Variants in ZMYND12 observed in about 807,000 individuals in gnomAD.
ZMYND12 encodes the protein zinc finger MYND domain-containing protein 12.
In ZMYND12, 32 loss-of-function variants were observed where a neutral mutation model predicts 41.7. The ratio of observed to expected loss-of-function variants is 0.77; its 90% CI spans 0.58 to 1.03. The LOEUF is 1.03. ZMYND12 is among the 50% of genes least tolerant of loss of function. The probability of loss-of-function intolerance (pLI) is 0.00; values close to 1 mark genes in which losing one functional copy is unlikely to be tolerated. For missense variants in ZMYND12, 424 were observed against 438.5 expected (o/e 0.97, Z 0.30); for synonymous variants, 148 against 164.8 (o/e 0.90, Z 0.78).
At chr1:42,442,089 TGAGGCTATGGTGG>T (rs1211505330) in intron 3 of ZMYND12, among the ~76,000 whole-genome samples, 2 of 151,790 alleles carry the variant, frequency 1.3e-5, no homozygotes, top group African/African-American at 4.8e-5. Flanking sequence ...TGGCAGAAAA[TGAGGCTATGGTGG>T]TAGGCAGGGG....
intron 3 of ZMYND12, among the ~76,000 whole-genome samples, chr1:42,440,783 C>T (rs543771284): frequency 6.6e-4 from 101 of 152,168 alleles, no homozygotes; most frequent in African/African-American, 2.4e-3. Flanking sequence ...ATTCTCATGC[C>T]TCAGCCTTCC....
Position 42,436,433 on chromosome 1 carries a change from T to C in ZMYND12, c.705A>G (p.Thr235=). 1 of 1,613,322 alleles carries C rather than the reference T, an allele frequency of 6.2e-7. No individual in the cohort carries two copies. Among genetic ancestry groups the C allele is most frequent in the Non-Finnish European group, 8.5e-7 (1 of 1,179,380 alleles). ...YDLKKLDLAD[T]LYTKVSEIWH... ...TTCCCCAGCTCACCTTGGTGTACAA[T>C]GTGTCTGCCAGGTCCAACTTTTTAA... The change falls in exon 5 of 8, where the codon ACA becomes ACG. Residue 235 remains threonine (T), a synonymous_variant. Coordinates refer to ENST00000372565, the MANE Select transcript of ZMYND12 (RefSeq NM_032257.5).
intron 1 of ZMYND12, among the ~76,000 whole-genome samples, chr1:42,453,959 C>G (rs1643114109): frequency 6.6e-6 from 1 of 152,048 alleles, no homozygotes; most frequent in Non-Finnish European, 1.5e-5. Context: ...TATAAAAGTA[C>G]AGAAAAAGCA....
intron 3 of ZMYND12, among the ~76,000 whole-genome samples, chr1:42,443,781 G>A (rs1642993735): frequency 6.6e-6 from 1 of 152,116 alleles, no homozygotes; most frequent in Non-Finnish European, 1.5e-5. Flanking sequence ...CTAATTGATT[G>A]AGTCTCTATC....
intron 3 of ZMYND12, among the ~76,000 whole-genome samples, chr1:42,443,248 G>A (rs1557769005): frequency 6.6e-6 from 1 of 152,200 alleles, no homozygotes; most frequent in Non-Finnish European, 1.5e-5. Context: ...ACTAGCCCAT[G>A]AGATTACAGT....
chr1:42,433,000 A>G (rs2494376), intron 7 of ZMYND12, 143 bp downstream of exon 7: 1,009,430 of 1,014,222 alleles, frequency 1, 502,471 homozygotes, highest in East Asian at 1. Context: ...CAGGAGAAAC[A>G]TCGTGAGCAT....
chr1:42,442,353 G>GA (rs1642980228), intron 3 of ZMYND12, among the ~76,000 whole-genome samples: 1 of 152,088 alleles, frequency 6.6e-6, no homozygotes, highest in Non-Finnish European at 1.5e-5. Context: ...AAGAGGAGGA[G>GA]ATCAAAAAGA....
chr1:42,453,433 C>T (rs1357164223), intron 1 of ZMYND12, among the ~76,000 whole-genome samples: 1 of 152,028 alleles, frequency 6.6e-6, no homozygotes, highest in Non-Finnish European at 1.5e-5. Context: ...AATGACAGGT[C>T]GGACATAGAT....
At chr1:42,438,288 A>G (rs1442403461) in intron 4 of ZMYND12, among the ~76,000 whole-genome samples, 1 of 152,204 alleles carries the variant, frequency 6.6e-6, no homozygotes, top group Non-Finnish European at 1.5e-5. Flanking sequence ...ATTACTTGAC[A>G]TGTAGAAGGG....
In ZMYND12 at chr1:42,431,362, T is replaced by C. The variant is rs916617059; in HGVS notation, c.976-504A>G. 6.6e-5 allele frequency among the ~76,000 whole-genome samples: 10 copies of C among 152,266 alleles called. No homozygotes were observed. In the South Asian group the frequency reaches 8.3e-4, roughly 13 times the overall value. On this transcript the variant is annotated intron_variant, in intron 7 of 7. Coordinates refer to ENST00000372565, the MANE Select transcript of ZMYND12 (RefSeq NM_032257.5). ...GTATAGGCAGAAATTCCTATTCTCA[T>C]GGAACTTACAGTGTAGTAGGGGAGA...
At chr1:42,453,811 T>C (rs936661495) in intron 1 of ZMYND12, among the ~76,000 whole-genome samples, 31 of 152,224 alleles carry the variant, frequency 2.0e-4, no homozygotes, top group Admixed American at 2.6e-4. Context: ...GCCCGTCATC[T>C]TTTCCCCGTG....
chr1:42,451,512 T>C (rs888101577), intron 1 of ZMYND12, among the ~76,000 whole-genome samples: 1 of 152,196 alleles, frequency 6.6e-6, no homozygotes, highest in African/African-American at 2.4e-5. Context: ...AGATAAATAT[T>C]TTAGGCTTGA....
At chr1:42,447,588 CA>C (rs1315914511) in intron 3 of ZMYND12, among the ~76,000 whole-genome samples, 4 of 152,102 alleles carry the variant, frequency 2.6e-5, no homozygotes, top group Non-Finnish European at 5.9e-5. Flanking sequence ...TTCATAACCA[CA>C]ATACAATATA....
chr1:42,450,363 G>A lies in ZMYND12; in HGVS notation c.111-304C>T, dbSNP rs112087324. On this transcript the variant is annotated intron_variant, in intron 1 of 7. Transcript: ENST00000372565. ...TTCTCTTATAATCTCTTTTATTTCT[G>A]CAAGGTTGGTAGTAATGTCCTCACT... 6.1e-3 allele frequency among the ~76,000 whole-genome samples: 924 copies of A among 152,262 alleles called. 6 individuals are homozygous for A. Among genetic ancestry groups the A allele is most frequent in the African/African-American group, 0.021 (863 of 41,550 alleles).
chr1:42,437,265 G>C (rs996384549), intron 4 of ZMYND12, among the ~76,000 whole-genome samples: 6 of 152,150 alleles, frequency 3.9e-5, no homozygotes, highest in Non-Finnish European at 8.8e-5. Flanking sequence ...GTGGTTGCTG[G>C]GGCTGGAACA....
chr1:42,441,035 T>C (rs911475052), intron 3 of ZMYND12, among the ~76,000 whole-genome samples: 1 of 152,192 alleles, frequency 6.6e-6, no homozygotes, highest in Non-Finnish European at 1.5e-5. Context: ...AATATATATA[T>C]GCATATTTAA....
chr1:42,433,826 T>C (rs1291430842), intron 6 of ZMYND12, among the ~76,000 whole-genome samples: 2 of 152,216 alleles, frequency 1.3e-5, no homozygotes, highest in East Asian at 3.9e-4. Context: ...GGTCCTACTT[T>C]AGTCATCATT....
rs1438819107 is a variant in ZMYND12, at chr1:42,430,466, T to A, written c.*270A>T. 2.7e-6 allele frequency: 1 copy of A among 364,434 alleles called. No individual in the cohort carries two copies. The highest frequency in any genetic ancestry group is 2.0e-5 in the African/African-American group (1 of 50,306). 22.6% of individuals were successfully genotyped at this position (364,434 alleles called of 1,614,324 possible). A position where few individuals can be genotyped will look rare whatever the true frequency, so the allele number is the denominator to read the frequency against. ...TTAATTACAAATACCATATTAGTGA[T>A]CTGACTACATATTACTCAGTCATAC... On this transcript the variant is annotated 3_prime_UTR_variant, in exon 8 of 8. Transcript: ENST00000372565.
chr1:42,446,483 C>T (rs1327071690), intron 3 of ZMYND12, among the ~76,000 whole-genome samples: 1 of 151,972 alleles, frequency 6.6e-6, no homozygotes, highest in Non-Finnish European at 1.5e-5. Context: ...GAAACCCCGT[C>T]TCTACTACAA....
Sources: allele counts gnomAD v4.1 joint callset (sites outside exome capture counted in the v4.1 genomes callset), GRCh38; gene constraint gnomAD v4.1.1; transcripts MANE v1.5; gene names NCBI Gene and HGNC (gene_info 2026-07-23, HGNC 2026-07-21).